The following NOX4 variants were observed in gnomAD, a reference collection of about 807,000 sequenced individuals.
NOX4 encodes the protein kidney oxidase-1.
Under a neutral mutation model 87.6 loss-of-function variants are expected in NOX4, and 69 were observed. The observed-to-expected ratio is 0.79, with a 90% confidence interval of 0.65 to 0.96. NOX4 has a LOEUF of 0.96. Ranked by LOEUF, NOX4 falls within the 40% of genes least tolerant of loss-of-function variation. The pLI is 0.00. For missense variants in NOX4, 680 were observed against 681.5 expected (o/e 1.00, Z 0.02); for synonymous variants, 275 against 238.2 (o/e 1.15, Z -1.42).
intron 7 of NOX4, among the ~76,000 whole-genome samples, chr11:89,425,112 A>G (rs1943304613): frequency 6.6e-6 from 1 of 152,126 alleles, no homozygotes; most frequent in Non-Finnish European, 1.5e-5. Flanking sequence ...TTTTAAAATA[A>G]GTATGTCAGA....
intron 13 of NOX4, among the ~76,000 whole-genome samples, chr11:89,346,895 G>T (rs1946237785): frequency 6.6e-6 from 1 of 152,170 alleles, no homozygotes; most frequent in Admixed American, 6.5e-5. Context: ...CAGGGGTTGG[G>T]ATCCACTACC....
the NOX4 span, among the ~76,000 whole-genome samples, chr11:89,526,762 C>T: frequency 2.0e-3 from 300 of 152,284 alleles, 1 homozygote; most frequent in African/African-American, 6.8e-3. Context: ...CCGAGCCATG[C>T]TGAACTGTGA....
chr11:89,468,656 G>A (rs543531228), intron 2 of NOX4, among the ~76,000 whole-genome samples: 2 of 152,266 alleles, frequency 1.3e-5, no homozygotes, highest in East Asian at 3.9e-4. Context: ...ATAAATGCAA[G>A]AATTAACCTA....
intron 11 of NOX4, among the ~76,000 whole-genome samples, chr11:89,396,296 C>T (rs1348283243): frequency 6.6e-6 from 1 of 152,046 alleles, no homozygotes; most frequent in Non-Finnish European, 1.5e-5. Context: ...CATGATTTGG[C>T]TCTCTGTTTG....
chr11:89,513,903 T>C, the NOX4 span, among the ~76,000 whole-genome samples: 13 of 152,142 alleles, frequency 8.5e-5, 1 homozygote, highest in South Asian at 6.2e-4. Context: ...TTTATGGGGT[T>C]ACAATTTATG....
intron 2 of NOX4, among the ~76,000 whole-genome samples, chr11:89,466,020 C>T (rs59754221): frequency 0.091 from 13,896 of 151,998 alleles, 797 homozygotes; most frequent in South Asian, 0.21. Flanking sequence ...CACCAGAATA[C>T]CTCCTCTCCT....
At chr11:89,493,975 G>A (rs149066300), upstream of NOX4, among the ~76,000 whole-genome samples, 3,091 of 152,010 alleles carry the variant, frequency 0.02, 35 homozygotes, top group Middle Eastern at 0.061. Context: ...GGCTGCTTTT[G>A]AACTCCTGAC....
the NOX4 span, among the ~76,000 whole-genome samples, chr11:89,524,393 G>T: frequency 6.6e-6 from 1 of 152,030 alleles, no homozygotes; most frequent in Non-Finnish European, 1.5e-5. Flanking sequence ...TACCTTCTAG[G>T]TATAATACTT....
At chr11:89,356,149 A>G (rs191658644) in intron 12 of NOX4, among the ~76,000 whole-genome samples, 1 of 152,300 alleles carries the variant, frequency 6.6e-6, no homozygotes, top group Non-Finnish European at 1.5e-5. Flanking sequence ...CCAATTAAAA[A>G]GGAAGGACAT....
intron 12 of NOX4, among the ~76,000 whole-genome samples, chr11:89,358,386 C>CAAAAA (rs10558391): frequency 2.9e-3 from 228 of 77,994 alleles, no homozygotes; most frequent in Middle Eastern, 9.6e-3. Flanking sequence ...AACTTAATCT[C>CAAAAA]AAAAAAAAAA....
At chr11:89,527,275 C>T in the NOX4 span, among the ~76,000 whole-genome samples, 2 of 152,148 alleles carry the variant, frequency 1.3e-5, no homozygotes, top group Non-Finnish European at 2.9e-5. Context: ...GGAACTGAAA[C>T]TTATTTTTAA....
chr11:89,328,969 T>G (rs1945334850), intron 17 of NOX4, among the ~76,000 whole-genome samples: 1 of 151,878 alleles, frequency 6.6e-6, no homozygotes, highest in Non-Finnish European at 1.5e-5. Context: ...ACCTTAAACT[T>G]CCAGCCCCCA....
chr11:89,543,633 T>C, the NOX4 span, among the ~76,000 whole-genome samples: 1 of 152,030 alleles, frequency 6.6e-6, no homozygotes. Flanking sequence ...GAGGACGCTG[T>C]CTAAAATTGA....
intron 14 of NOX4, among the ~76,000 whole-genome samples, chr11:89,341,582 T>C (rs1273882628): frequency 6.6e-6 from 1 of 152,216 alleles, no homozygotes; most frequent in African/African-American, 2.4e-5. Context: ...CTACCTTTTG[T>C]CATAATTCTA....
At chr11:89,479,748 C>T (rs1377440409) in intron 2 of NOX4, among the ~76,000 whole-genome samples, 2 of 152,198 alleles carry the variant, frequency 1.3e-5, no homozygotes, top group Admixed American at 6.6e-5. Flanking sequence ...CCTTTATTTA[C>T]TTTTCCTTTA....
chr11:89,483,241 A>C (rs1946465711), intron 2 of NOX4, among the ~76,000 whole-genome samples: 1 of 152,126 alleles, frequency 6.6e-6, no homozygotes, highest in Admixed American at 6.6e-5. Context: ...AGGTTGAGCC[A>C]TATAAAATGG....
chr11:89,581,052 T>C, the NOX4 span, among the ~76,000 whole-genome samples: 2 of 152,124 alleles, frequency 1.3e-5, no homozygotes, highest in Non-Finnish European at 2.9e-5. Flanking sequence ...GTGCAGAAAA[T>C]AATAAATTGT....
intron 12 of NOX4, among the ~76,000 whole-genome samples, chr11:89,369,460 T>C (rs1354087094): frequency 2.0e-5 from 3 of 152,114 alleles, no homozygotes; most frequent in Non-Finnish European, 4.4e-5. Context: ...CTCAATGCTG[T>C]ATCTCCAGTG....
intron 2 of NOX4, among the ~76,000 whole-genome samples, chr11:89,454,155 T>A (rs944966968): frequency 2.0e-5 from 3 of 152,144 alleles, no homozygotes; most frequent in Non-Finnish European, 4.4e-5. Flanking sequence ...TTCCATTTAG[T>A]GTGTGACATG....
Sources: gnomAD v4.1 joint callset for allele counts (sites outside exome capture counted in the v4.1 genomes callset) on GRCh38, gnomAD v4.1.1 for gene constraint, MANE v1.5 for transcripts, NCBI Gene and HGNC (gene_info 2026-07-23, HGNC 2026-07-21) for gene names.